Variants in CNOT1 observed in about 807,000 individuals in gnomAD.
CNOT1 encodes CCR4-associated factor 1.
A neutral mutation model predicts 273.8 loss-of-function variants in CNOT1; 15 were observed. The observed-to-expected ratio is 0.05, with a 90% CI of 0.04 to 0.08. The LOEUF is 0.08. Ranked by LOEUF, CNOT1 falls within the 10% of genes least tolerant of loss-of-function variation. The pLI, the probability that CNOT1 is intolerant of heterozygous loss-of-function variation, is 1.00. For synonymous variants in CNOT1, 1,022 were observed against 1,005.5 expected (o/e 1.02, Z -0.31); for missense variants, 1,644 against 2,912.2 (o/e 0.56, Z 10.02).
rs1289246714 is a variant in CNOT1 at position 58,590,611 on chromosome 16, G to T, written c.103-1705C>A. ...CTCTGTCTCCAAAAAAAAAAAAATAGAACAGAGTCTGGGTGCAGTGGCTTA... is the reference window on the plus strand; with the variant it reads ...CTCTGTCTCCAAAAAAAAAAAAATATAACAGAGTCTGGGTGCAGTGGCTTA... On this transcript the variant is annotated intron_variant, in intron 2 of 48. Transcript: ENST00000317147. 2.6e-5 allele frequency among the ~76,000 whole-genome samples: 4 copies of T among 151,222 alleles called. No individual in the cohort carries two copies. The East Asian group carries it at 7.8e-4, about 29-fold the overall frequency.
At chr16:58,567,172 AAG>A (rs1374519592) in intron 16 of CNOT1, among the ~76,000 whole-genome samples, 1 of 152,084 alleles carries the variant, frequency 6.6e-6, no homozygotes, top group Non-Finnish European at 1.5e-5. Flanking sequence ...GAAAAAAAGA[AAG>A]AAAGAAAAAA....
At chr16:58,617,087 T>TG (rs2043115716) in intron 1 of CNOT1, among the ~76,000 whole-genome samples, 2 of 152,182 alleles carry the variant, frequency 1.3e-5, no homozygotes, top group Admixed American at 1.3e-4. Flanking sequence ...AGAGGCCAGG[T>TG]GCAGGGCTCA....
rs866821373 is a variant in CNOT1, at chr16:58,555,827, C to T, written c.2561G>A (p.Arg854Gln). ...TGGATGTGGTGGATGATTATATATTCGCTGGAAATAGCTGTTTGCTTCATC... is the reference window on the plus strand; with the variant it reads ...TGGATGTGGTGGATGATTATATATTTGCTGGAAATAGCTGTTTGCTTCATC... ...IDDEANSYFQ[R>Q]IYNHPPHPTM... Residue 854 changes from arginine (R) to glutamine (Q), a missense_variant, in exon 20 of 49, where the codon CGA (arginine) becomes CAA (glutamine). This residue lies in a region of CNOT1 where 74 missense variants were observed against 184.6 expected (regional missense o/e 0.40). Transcript: ENST00000317147. 10 of 1,613,858 alleles carry T rather than the reference C, an allele frequency of 6.2e-6. No individual in the cohort carries two copies. Among genetic ancestry groups the T allele is most frequent in the Non-Finnish European group, 7.6e-6 (9 of 1,180,020 alleles).
intron 21 of CNOT1, among the ~76,000 whole-genome samples, chr16:58,554,453 T>C (rs1260724810): frequency 6.6e-6 from 1 of 152,198 alleles, no homozygotes; most frequent in African/African-American, 2.4e-5. Context: ...GGAAGATCAC[T>C]TGAGGCCAGG....
At chr16:58,589,468 T>C (rs1597530794) in intron 2 of CNOT1, among the ~76,000 whole-genome samples, 1 of 152,134 alleles carries the variant, frequency 6.6e-6, no homozygotes, top group Non-Finnish European at 1.5e-5. Context: ...GCTGAGATCG[T>C]GCCATTGTGG....
intron 1 of CNOT1, among the ~76,000 whole-genome samples, chr16:58,604,737 C>T (rs1384356686): frequency 4.9e-5 from 7 of 143,128 alleles, no homozygotes; most frequent in African/African-American, 1.0e-4. Flanking sequence ...GCAGAGGTTG[C>T]GGTGGGCCAA....
At chr16:58,566,219 T>A (rs188781277) in intron 16 of CNOT1, among the ~76,000 whole-genome samples, 25 of 152,354 alleles carry the variant, frequency 1.6e-4, no homozygotes, top group African/African-American at 5.8e-4. Flanking sequence ...ATAATTATCC[T>A]GCTCTTCAAA....
intron 1 of CNOT1, among the ~76,000 whole-genome samples, chr16:58,627,134 C>T (rs991512999): frequency 1.3e-5 from 2 of 152,138 alleles, no homozygotes; most frequent in South Asian, 4.2e-4. Flanking sequence ...CTCGGCTGGG[C>T]ACCGTGGCTC....
intron 44 of CNOT1, among the ~76,000 whole-genome samples, chr16:58,526,641 T>C (rs899134476): frequency 1.3e-5 from 2 of 150,246 alleles, no homozygotes; most frequent in Non-Finnish European, 3.0e-5. Context: ...CTGACCAACA[T>C]GGAGAAACCC....
At position 58,556,922 on chromosome 16, in the gene CNOT1, C is replaced by T. The variant is rs778172929; in HGVS notation, c.2404G>A (p.Asp802Asn). The change falls in exon 19 of 49, where the codon GAC becomes AAC. Residue 802 changes from aspartate (D) to asparagine (N), a missense_variant. This residue lies in a region of CNOT1 where 706 missense variants were observed against 1,021.2 expected (regional missense o/e 0.69). Transcript: ENST00000317147. ...GALGLPAVNN[D>N]PFVQRKLGTS... Reference sequence around the variant, plus strand: ...CCCAGTTTCCTCTGTACAAAAGGGTCGTTATTCACTGCAGGGAGTCCAAGA... The same window carrying T: ...CCCAGTTTCCTCTGTACAAAAGGGTTGTTATTCACTGCAGGGAGTCCAAGA... The T allele has an allele frequency of 6.2e-7, 1 of 1,614,074 alleles. No homozygotes were observed. The highest frequency in any genetic ancestry group is 8.5e-7 in the Non-Finnish European group (1 of 1,180,016).
intron 42 of CNOT1, among the ~76,000 whole-genome samples, chr16:58,531,509 A>T (rs920909580): frequency 2.0e-5 from 3 of 149,680 alleles, no homozygotes; most frequent in Non-Finnish European, 4.5e-5. Flanking sequence ...TTAAAGTGAG[A>T]GTCTGTAAAA....
intron 29 of CNOT1, among the ~76,000 whole-genome samples, chr16:58,545,940 A>G (rs760173202): frequency 6.6e-6 from 1 of 152,206 alleles, no homozygotes; most frequent in Non-Finnish European, 1.5e-5. Flanking sequence ...TCATGTAGAT[A>G]AAACAGTCCC....
Position 58,537,018 on chromosome 16 carries a change from T to C in CNOT1, c.5617A>G (p.Thr1873Ala), listed in dbSNP as rs149847827. 6.2e-7 allele frequency: 1 copy of C among 1,614,096 alleles called. No individual in the cohort carries two copies. The highest frequency in any genetic ancestry group is 1.3e-5 in the African/African-American group (1 of 74,936). The change falls in exon 39 of 49, where the codon ACC becomes GCC. Residue 1873 changes from threonine to alanine, a missense_variant. This residue lies in a region of CNOT1 where 133 missense variants were observed against 328.2 expected (regional missense o/e 0.41). Transcript: ENST00000317147. ...CCAACAAATGCAGAGAAAGCTTTGGTACTGTCGCGGCCAGCTGCTGCTGAA... is the reference window on the plus strand; with the variant it reads ...CCAACAAATGCAGAGAAAGCTTTGGCACTGTCGCGGCCAGCTGCTGCTGAA... ...YHSAAAGRDS[T>A]KAFSAFVGQM...
At chr16:58,624,349 A>C (rs554588751) in intron 1 of CNOT1, among the ~76,000 whole-genome samples, 6 of 152,246 alleles carry the variant, frequency 3.9e-5, no homozygotes, top group Non-Finnish European at 8.8e-5. Context: ...CAGAATCAAC[A>C]AAAAATTATC....
chr16:58,591,821 C>CT (rs1258717854), intron 2 of CNOT1, among the ~76,000 whole-genome samples: 4 of 151,868 alleles, frequency 2.6e-5, no homozygotes, highest in Non-Finnish European at 5.9e-5. Flanking sequence ...TTGATACACT[C>CT]TAAGTCTTAA....
chr16:58,625,311 G>A (rs893066141), intron 1 of CNOT1, among the ~76,000 whole-genome samples: 1 of 151,390 alleles, frequency 6.6e-6, no homozygotes, highest in African/African-American at 2.4e-5. Context: ...TCAGGAGTTC[G>A]AGACCAGCCT....
intron 1 of CNOT1, among the ~76,000 whole-genome samples, chr16:58,628,053 C>G (rs760602642): frequency 2.6e-5 from 4 of 152,274 alleles, no homozygotes; most frequent in Non-Finnish European, 4.4e-5. Flanking sequence ...GTCTCGAACT[C>G]CTGACCTCTG....
intron 39 of CNOT1, among the ~76,000 whole-genome samples, chr16:58,534,899 CAACAGG>C (rs1334922975): frequency 2.0e-5 from 3 of 151,964 alleles, no homozygotes; most frequent in Non-Finnish European, 4.4e-5. Flanking sequence ...ATAATTTGTA[CAACAGG>C]TAAGTACCAA....
chr16:58,599,214 G>A, intron 2 of CNOT1, 22 bp downstream of exon 2: 1 of 1,614,066 alleles, frequency 6.2e-7, no homozygotes, highest in Non-Finnish European at 8.5e-7. Flanking sequence ...AATGGCACTT[G>A]TTTTCTGGCT....
Sources: allele counts gnomAD v4.1 joint callset (sites outside exome capture counted in the v4.1 genomes callset), GRCh38; gene constraint gnomAD v4.1.1; regional missense constraint gnomAD v4.1.1; transcripts MANE v1.5; gene names NCBI Gene and HGNC (gene_info 2026-07-23, HGNC 2026-07-21).